The following TCF3 variants were observed in gnomAD, a reference collection of about 807,000 sequenced individuals.
The protein encoded by TCF3 is transcription factor 3.
A neutral mutation model predicts 72.3 loss-of-function variants in TCF3; 54 were observed. That is an observed-to-expected ratio of 0.75 (90% CI 0.60 to 0.94). The LOEUF (loss-of-function observed/expected upper bound fraction) is 0.94. Among genes scored for constraint, TCF3 ranks in the 40% least tolerant of loss-of-function variants. TCF3 has a pLI of 0.00. For synonymous variants in TCF3, 525 were observed against 412.6 expected, an observed-to-expected ratio of 1.27 and a Z score of -3.30; for missense variants, 1,078 against 934.4, an observed-to-expected ratio of 1.15 and a Z score of -2.00.
intron 3 of TCF3, among the ~76,000 whole-genome samples, chr19:1,638,183 C>T (rs1321738893): frequency 6.6e-6 from 1 of 152,206 alleles, no homozygotes; most frequent in Non-Finnish European, 1.5e-5. Context: ...TGAGTTCTCT[C>T]TCATTTCACT....
chr19:1,619,795 C>A lies in TCF3; in HGVS notation c.1152G>T (p.Gly384=), dbSNP rs779966128. 5 of 1,559,516 alleles carry A rather than the reference C, an allele frequency of 3.2e-6. No homozygotes were observed. The highest frequency in any genetic ancestry group is 4.3e-6 in the Non-Finnish European group (5 of 1,152,702). ...AGGCACTCACCAGGCCGTGGAGACC[C>A]CCGTCGTAGCTGGGCGATAAGGCAC... The part of the protein sequence containing the change: ...APGALSPSYD[G]GLHGLQSKIE... Residue 384 remains glycine (G), a synonymous_variant, in exon 14 of 19, where the codon GGG becomes GGT. Transcript: ENST00000262965.
intron 3 of TCF3, among the ~76,000 whole-genome samples, chr19:1,639,791 A>G (rs1341383569): frequency 6.6e-6 from 1 of 151,500 alleles, no homozygotes; most frequent in Non-Finnish European, 1.5e-5. Context: ...AATGTCAGTA[A>G]TATGAGAAAA....
At chr19:1,632,956 G>C (rs573571856) in intron 3 of TCF3, among the ~76,000 whole-genome samples, 1 of 152,348 alleles carries the variant, frequency 6.6e-6, no homozygotes, top group African/African-American at 2.4e-5. Flanking sequence ...CTCACCCATC[G>C]GGCAGGAGGC....
At chr19:1,647,021 G>A (rs1050359183) in intron 2 of TCF3, among the ~76,000 whole-genome samples, 30 of 152,278 alleles carry the variant, frequency 2.0e-4, no homozygotes, top group Non-Finnish European at 4.0e-4. Context: ...AGGGGAAGCC[G>A]AGGCTCAGAC....
At chr19:1,651,680 G>C (rs1296191551) in intron 1 of TCF3, among the ~76,000 whole-genome samples, 2 of 152,004 alleles carry the variant, frequency 1.3e-5, no homozygotes, top group Non-Finnish European at 2.9e-5. Context: ...AGGCGGCCCG[G>C]GAAGCCGGAC....
At chr19:1,640,307 G>A (rs536564487) in intron 3 of TCF3, among the ~76,000 whole-genome samples, 1 of 152,230 alleles carries the variant, frequency 6.6e-6, no homozygotes, top group African/African-American at 2.4e-5. Flanking sequence ...AGGCCGAGGC[G>A]GGAGGATCAC....
At chr19:1,647,987 C>T (rs554529808) in intron 2 of TCF3, among the ~76,000 whole-genome samples, 1 of 152,270 alleles carries the variant, frequency 6.6e-6, no homozygotes, top group African/African-American at 2.4e-5. Context: ...ACTCGCTCCC[C>T]CTTCATTCCT....
chr19:1,630,794 C>T (rs1217701263), intron 5 of TCF3, among the ~76,000 whole-genome samples: 1 of 152,164 alleles, frequency 6.6e-6, no homozygotes, highest in South Asian at 2.1e-4. Context: ...TACCAGCCCC[C>T]CAAGCAGCGG....
intron 18 of TCF3, 113 bp from the exon 19 acceptor site, chr19:1,611,962 G>A (rs978030037): frequency 2.6e-5 from 18 of 696,792 alleles, no homozygotes; most frequent in South Asian, 1.9e-4. Flanking sequence ...GCCCCATCAC[G>A]TGTGGCCTCC....
intron 16 of TCF3, 65 bp downstream of exon 16, chr19:1,619,046 A>C: frequency 6.3e-7 from 1 of 1,595,784 alleles, no homozygotes. Context: ...GACCCCCACC[A>C]CTAGAGTGCC....
Position 1,615,504 on chromosome 19 carries a change from C to T in TCF3, c.1603G>A (p.Asp535Asn), listed in dbSNP as rs1461012845. The part of the protein sequence containing the change: ...RARTSPDEDE[D>N]DLLPPEQKAE... ...TTCTGCTCTGGGGGGAGAAGGTCGT[C>T]CTCGTCCTCGTCTGGGCTATGGGGA... The change falls in exon 18 of 19, where the codon GAC (aspartate) becomes AAC (asparagine). Residue 535 changes from aspartate to asparagine, a missense_variant. By Grantham distance (23) the Asp-to-Asn change is conservative. Coordinates refer to ENST00000262965, the MANE Select transcript of TCF3 (RefSeq NM_003200.5). This position sits in a 1 kb window ranked among gnomAD's most constrained non-coding sequence, Gnocchi z 7.3. The T allele has an allele frequency of 6.2e-7, 1 of 1,608,746 alleles. No homozygotes were observed. Among genetic ancestry groups the T allele is most frequent in the Non-Finnish European group, 8.5e-7 (1 of 1,179,772 alleles).
intron 18 of TCF3, among the ~76,000 whole-genome samples, chr19:1,613,295 A>G (rs2061227740): frequency 6.6e-6 from 1 of 152,118 alleles, no homozygotes; most frequent in African/African-American, 2.4e-5. Context: ...CCTCAGACTC[A>G]GCTCTAGGGG....
At position 1,627,408 on chromosome 19, in the gene TCF3, C is replaced by G; in HGVS notation, c.317G>C (p.Gly106Ala). The G allele has an allele frequency of 1.9e-6, 3 of 1,612,020 alleles. No homozygotes were observed. Among genetic ancestry groups the G allele is most frequent in the Non-Finnish European group, 2.5e-6 (3 of 1,179,728 alleles). ...PGLGGKSGER[G>A]AYASFGRDAG... ...GTCTCTCCCGAAGGAGGCATAGGCG[C>G]CCCGCTCACCGCTCTTGCCTGCAAG... The change falls in exon 6 of 19, where the codon GGC becomes GCC. Residue 106 changes from glycine to alanine, a missense_variant. Coordinates refer to ENST00000262965, the MANE Select transcript of TCF3 (RefSeq NM_003200.5).
In TCF3 at chr19:1,620,946, TCCC is replaced by T; in HGVS notation, c.1093+19_1093+21del. 1 of 1,343,544 alleles carries T rather than the reference TCCC, an allele frequency of 7.4e-7. No individual in the cohort carries two copies. The highest frequency in any genetic ancestry group is 9.6e-7 in the Non-Finnish European group (1 of 1,041,944). The allele number at this position is 1,343,544 out of a possible 1,614,324, so 83.2% of individuals were successfully genotyped here. On this transcript the variant is annotated intron_variant, in intron 13 of 18. Transcript: ENST00000262965. Reference sequence around the variant, plus strand: ...AACCCTCACAGACCTCAGCCTCCCCTCCCCCCAAAACCCTCACAGACCTGCCAG... The same window carrying T: ...AACCCTCACAGACCTCAGCCTCCCCTCCCAAAACCCTCACAGACCTGCCAG...
chr19:1,616,473 C>CA (rs755264667), intron 16 of TCF3: 3,048 of 124,584 alleles, frequency 0.024, 44 homozygotes, highest in African/African-American at 0.042. Context: ...GACTCCGTCT[C>CA]AAAAAAAAAA....
chr19:1,649,513 G>A (rs1185623779), intron 2 of TCF3, among the ~76,000 whole-genome samples: 1 of 152,210 alleles, frequency 6.6e-6, no homozygotes, highest in Non-Finnish European at 1.5e-5. Flanking sequence ...GGGCTCAAGT[G>A]ATTCTCCTTG....
At position 1,625,617 on chromosome 19, in the gene TCF3, T is replaced by G. The variant is rs1027618329; in HGVS notation, c.458A>C (p.Tyr153Ser). The change falls in exon 7 of 19, where the codon TAC (tyrosine) becomes TCC (serine). Residue 153 changes from tyrosine (Y) to serine (S), a missense_variant. Coordinates refer to ENST00000262965, the MANE Select transcript of TCF3 (RefSeq NM_003200.5). Reference sequence around the variant, plus strand: ...CGCTCTCCGCCGGGAGCTGCCGGAGTAGGAGGGGTAGTACTGGGAGGTCCC... The same window carrying G: ...CGCTCTCCGCCGGGAGCTGCCGGAGGAGGAGGGGTAGTACTGGGAGGTCCC... Reference protein sequence around the residue: ...MKGTSQYYPSYSGSSRRRAAD... With the variant: ...MKGTSQYYPSSSGSSRRRAAD... 3 of 1,579,110 alleles carry G rather than the reference T, an allele frequency of 1.9e-6. No homozygotes were observed. In the African/African-American group the frequency reaches 4.2e-5, roughly 22 times the overall value.
At position 1,625,636 on chromosome 19, in the gene TCF3, A is replaced by G; in HGVS notation, c.439T>C (p.Ser147Pro). ...PLSPSGMKGT[S>P]QYYPSYSGSS... is the part of the protein sequence containing the mutation. ...CCGGAGTAGGAGGGGTAGTACTGGG[A>G]GGTCCCCTTCATGCCCGAAGGGGAC... is the stretch of plus-strand genomic sequence containing the variant. The change falls in exon 7 of 19, where the codon TCC becomes CCC. Residue 147 changes from serine to proline, a missense_variant. Physicochemically the swap from Ser to Pro is moderately conservative, Grantham distance 74. Coordinates refer to ENST00000262965, the MANE Select transcript of TCF3 (RefSeq NM_003200.5). 1 of 1,558,968 alleles carries G rather than the reference A, an allele frequency of 6.4e-7. No homozygotes were observed. The highest frequency in any genetic ancestry group is 8.6e-7 in the Non-Finnish European group (1 of 1,157,324).
intron 1 of TCF3, among the ~76,000 whole-genome samples, chr19:1,651,601 G>A (rs148128528): frequency 0.012 from 1,794 of 152,296 alleles, 36 homozygotes; most frequent in African/African-American, 0.039. Flanking sequence ...GAGACTTGGA[G>A]AATGTTTGAA....
Sources: gnomAD v4.1 joint callset for allele counts (sites outside exome capture counted in the v4.1 genomes callset) on GRCh38, gnomAD v4.1.1 for gene constraint, Gnocchi (gnomAD v3.1) non-coding constraint, MANE v1.5 for transcripts, NCBI Gene and HGNC (gene_info 2026-07-23, HGNC 2026-07-21) for gene names.